The following STPG2 variants were observed in gnomAD, a reference collection of about 807,000 sequenced individuals.
The protein encoded by STPG2 is sperm-tail PG-rich repeat-containing protein 2.
In STPG2, 56 loss-of-function variants were observed where a neutral mutation model predicts 54.2. The ratio of observed to expected loss-of-function variants is 1.03; its 90% CI spans 0.83 to 1.29. STPG2 has a LOEUF of 1.29. STPG2 is among the 50% of genes most tolerant of loss of function. STPG2 has a pLI of 0.00. For missense variants in STPG2, 596 were observed against 544.9 expected, an observed-to-expected ratio of 1.09 and a Z score of -0.93; for synonymous variants, 200 against 181.8, an observed-to-expected ratio of 1.10 and a Z score of -0.81.
At chr4:98,070,330 A>G (rs1227824616) in intron 5 of STPG2, among the ~76,000 whole-genome samples, 1 of 152,110 alleles carries the variant, frequency 6.6e-6, no homozygotes, top group Admixed American at 6.5e-5. Context: ...TTCATGTTAA[A>G]GCCTCTCAAT....
At chr4:97,728,746 C>G (rs142162636) in intron 9 of STPG2, among the ~76,000 whole-genome samples, 4 of 151,924 alleles carry the variant, frequency 2.6e-5, no homozygotes, top group East Asian at 1.9e-4. Flanking sequence ...CCTGATCAAA[C>G]CACTCAGAAG....
intron 5 of STPG2, among the ~76,000 whole-genome samples, chr4:98,021,161 T>C (rs1326058421): frequency 1.4e-5 from 2 of 146,676 alleles, no homozygotes; most frequent in Non-Finnish European, 3.0e-5. Flanking sequence ...CATTTAGTGC[T>C]ATAAATTTCC....
chr4:97,749,030 G>A (rs889232951), intron 9 of STPG2, among the ~76,000 whole-genome samples: 1 of 151,456 alleles, frequency 6.6e-6, no homozygotes, highest in Non-Finnish European at 1.5e-5. Context: ...GTTCTCTAGG[G>A]AAAGCTCTTA....
intron 4 of STPG2, among the ~76,000 whole-genome samples, chr4:97,469,499 A>G (rs1729871406): frequency 6.6e-6 from 1 of 152,086 alleles, no homozygotes; most frequent in South Asian, 2.1e-4. Context: ...GGATGTTGCC[A>G]ACAGAGAAAG....
intron 10 of STPG2, among the ~76,000 whole-genome samples, chr4:97,613,974 A>C (rs939826410): frequency 1.3e-4 from 20 of 152,198 alleles, no homozygotes; most frequent in Admixed American, 1.2e-3. Flanking sequence ...CTACAGCTAC[A>C]ACTAATAATG....
At chr4:98,016,742 G>A (rs2149286944) in intron 5 of STPG2, among the ~76,000 whole-genome samples, 1 of 152,152 alleles carries the variant, frequency 6.6e-6, no homozygotes, top group East Asian at 1.9e-4. Context: ...TCTTTGTCAG[G>A]CTATTCATAG....
intron 3 of STPG2, among the ~76,000 whole-genome samples, chr4:98,109,767 A>C (rs2110144549): frequency 6.6e-6 from 1 of 152,268 alleles, no homozygotes; most frequent in African/African-American, 2.4e-5. Flanking sequence ...CTTTAAACAG[A>C]GTTAGAAATA....
intron 5 of STPG2, among the ~76,000 whole-genome samples, chr4:98,040,056 G>C (rs1043067070): frequency 3.3e-5 from 5 of 151,710 alleles, no homozygotes; most frequent in African/African-American, 1.2e-4. Context: ...GTTTTGATTT[G>C]CATTTCTCTG....
chr4:97,938,672 C>G (rs747358825), intron 8 of STPG2, among the ~76,000 whole-genome samples: 3 of 152,178 alleles, frequency 2.0e-5, no homozygotes, highest in Non-Finnish European at 2.9e-5. Context: ...CTGGATGGCA[C>G]GCTCACTCAC....
chr4:97,607,871 T>C (rs1733634175), intron 10 of STPG2, among the ~76,000 whole-genome samples: 1 of 151,938 alleles, frequency 6.6e-6, no homozygotes, highest in South Asian at 2.1e-4. Flanking sequence ...AATAGAGGTT[T>C]AGGAAAGAGC....
chr4:98,105,964 C>A lies in STPG2; in HGVS notation c.601G>T (p.Glu201Ter). The change falls in exon 5 of 11, where the codon GAG (glutamate) becomes TAG (stop). Residue 201 changes from glutamate (E) to a stop codon, truncating the protein, a stop_gained. Transcript: ENST00000295268. LOFTEE classifies it high-confidence loss of function. ...ACTTTTCAACTTACCTTTTTTTTCT[C>A]CTGCAATACTATTATTTCATATAGT... Reference protein sequence around the residue: ...PRLYEIIVLQEKKKRFLPMKS... With the variant: ...PRLYEIIVLQ 1 of 1,566,014 alleles carries A rather than the reference C, an allele frequency of 6.4e-7. No homozygotes were observed. Among genetic ancestry groups the A allele is most frequent in the South Asian group, 1.1e-5 (1 of 89,114 alleles).
chr4:97,757,105 T>A (rs980027843), intron 9 of STPG2, among the ~76,000 whole-genome samples: 2 of 152,178 alleles, frequency 1.3e-5, no homozygotes, highest in East Asian at 1.9e-4. Context: ...ACGAGAAATA[T>A]GAATTCATAG....
At chr4:97,453,559 C>A (rs1729433218) in intron 4 of STPG2, among the ~76,000 whole-genome samples, 1 of 152,174 alleles carries the variant, frequency 6.6e-6, no homozygotes, top group Non-Finnish European at 1.5e-5. Context: ...TACTGATCTG[C>A]TGAAATTTTC....
intron 4 of STPG2, among the ~76,000 whole-genome samples, chr4:97,496,132 A>G (rs1730606868): frequency 6.6e-6 from 1 of 151,758 alleles, no homozygotes; most frequent in Admixed American, 6.6e-5. Context: ...ATTTTCAGCA[A>G]TTTTATTGTA....
intron 10 of STPG2, among the ~76,000 whole-genome samples, chr4:97,700,528 G>A (rs552577963): frequency 6.6e-6 from 1 of 152,288 alleles, no homozygotes; most frequent in South Asian, 2.1e-4. Context: ...TTTACTGAGG[G>A]AGAAAGTCCC....
intron 9 of STPG2, among the ~76,000 whole-genome samples, chr4:97,803,180 C>T (rs1191454910): frequency 6.6e-6 from 1 of 152,088 alleles, no homozygotes; most frequent in African/African-American, 2.4e-5. Context: ...GTAACCATGG[C>T]CACCATCCTC....
intron 10 of STPG2, among the ~76,000 whole-genome samples, chr4:97,630,539 T>C (rs1477488946): frequency 6.6e-6 from 1 of 151,902 alleles, no homozygotes; most frequent in East Asian, 1.9e-4. Context: ...TAGCATCTGT[T>C]ATTTATGTAT....
chr4:97,795,790 G>C (rs113120673), intron 9 of STPG2, among the ~76,000 whole-genome samples: 2,806 of 152,244 alleles, frequency 0.018, 86 homozygotes, highest in African/African-American at 0.064. Context: ...CTTCCACAAT[G>C]GGTGAACTAG....
chr4:97,546,989 T>TA (rs1731847244), intron 4 of STPG2, among the ~76,000 whole-genome samples: 1 of 152,188 alleles, frequency 6.6e-6, no homozygotes, highest in African/African-American at 2.4e-5. Context: ...CTTTCTGGAA[T>TA]ACCTGATTCC....
Sources: gnomAD v4.1 joint callset for allele counts (sites outside exome capture counted in the v4.1 genomes callset) on GRCh38, gnomAD v4.1.1 for gene constraint, MANE v1.5 for transcripts, NCBI Gene and HGNC (gene_info 2026-07-23, HGNC 2026-07-21) for gene names.